Variants in CSMD1 observed in about 807,000 individuals in gnomAD.
The protein encoded by CSMD1 is CUB and sushi domain-containing protein 1.
CSMD1 carries 213 observed loss-of-function variants against 417.5 expected under a neutral mutation model. That is an observed-to-expected ratio of 0.51 (90% CI 0.46 to 0.57). CSMD1 has a LOEUF of 0.57. Among genes scored for constraint, CSMD1 ranks in the 20% least tolerant of loss-of-function variants. The pLI, the probability that CSMD1 is intolerant of heterozygous loss-of-function variation, is 0.00. For missense variants in CSMD1, 6,923 were observed against 4,529.7 expected, an observed-to-expected ratio of 1.53 and a Z score of -15.17; for synonymous variants, 2,862 against 1,736.8, an observed-to-expected ratio of 1.65 and a Z score of -16.11.
Position 3,849,086 on chromosome 8 carries a change from T to C in CSMD1, c.819-95044A>G, listed in dbSNP as rs568690184. ...CAATATACAAGATTCCATTTAACAG[T>C]TGAAGGGATACTTTTGTAACAGAAA... On this transcript the variant is annotated intron_variant, in intron 5 of 69. Coordinates refer to ENST00000635120, the MANE Select transcript of CSMD1 (RefSeq NM_033225.6). Among the ~76,000 whole-genome samples the C allele has an allele frequency of 1.1e-4, 16 of 152,186 alleles. No homozygotes were observed. The East Asian group carries it at 2.3e-3, about 22-fold the overall frequency.
intron 3 of CSMD1, among the ~76,000 whole-genome samples, chr8:4,262,627 C>A (rs1021769431): frequency 6.6e-6 from 1 of 152,106 alleles, no homozygotes; most frequent in African/African-American, 2.4e-5. Context: ...AAACAGCCAT[C>A]GCCACCCAGT....
chr8:3,373,731 G>A (rs1458315349), intron 18 of CSMD1: 1 of 152,136 alleles, frequency 6.6e-6, no homozygotes, highest in Non-Finnish European at 1.5e-5. Flanking sequence ...CTGAGTAGCT[G>A]TAAAAGACAC....
At chr8:2,994,864 TA>T (rs1025989263) in intron 54 of CSMD1, among the ~76,000 whole-genome samples, 1 of 152,114 alleles carries the variant, frequency 6.6e-6, no homozygotes, top group African/African-American at 2.4e-5. Context: ...ATCCATAGGT[TA>T]AAAAAAGAAT....
rs5889027 is a variant in CSMD1, at chr8:4,212,751, C to CTTTTTTTTTTTTTTTTTTT, written c.416-180671_416-180653dup. Among the ~76,000 whole-genome samples the CTTTTTTTTTTTTTTTTTTT allele has an allele frequency of 9.1e-4, 90 of 99,226 alleles. 5 individuals carry two copies. The highest frequency in any genetic ancestry group is 2.9e-3 in the East Asian group (8 of 2,778). The allele number at this position is 99,226 out of a possible 152,430, so 65.1% of individuals were successfully genotyped here. A position where few individuals can be genotyped will look rare whatever the true frequency, so the allele number is the denominator to read the frequency against. On this transcript the variant is annotated intron_variant, in intron 3 of 69. Coordinates refer to ENST00000635120, the MANE Select transcript of CSMD1 (RefSeq NM_033225.6). ...AAAAGTTTACAACAGCGGCCTTATT[C>CTTTTTTTTTTTTTTTTTTT]TTTTTTTTTTTTTTTTTTTTTTTTT...
Position 3,387,739 on chromosome 8 carries a change from T to A in CSMD1, c.2594-57A>T, listed in dbSNP as rs915705585. The A allele has an allele frequency of 1.5e-5, 21 of 1,401,860 alleles. No homozygotes were observed. In the East Asian group the frequency reaches 2.0e-4, roughly 13 times the overall value. 86.8% of individuals were successfully genotyped at this position (1,401,860 alleles called of 1,614,324 possible). On this transcript the variant is annotated intron_variant, in intron 17 of 69. Transcript: ENST00000635120. ...GATCTTTCTGGTTGATTGAAAATAA[T>A]AGAGACCCACGCCATCAACTACGAA...
At position 3,515,521 on chromosome 8, in the gene CSMD1, G is replaced by T. The variant is rs78800575; in HGVS notation, c.1345-21795C>A. On this transcript the variant is annotated intron_variant, in intron 10 of 69. Transcript: ENST00000635120. Reference sequence around the variant, plus strand: ...CACTGGAAAAATAAAAAAATGGTTGGCAACTGTTCAGGAGAATGAGAAAGC... The same window carrying T: ...CACTGGAAAAATAAAAAAATGGTTGTCAACTGTTCAGGAGAATGAGAAAGC... 1.3e-3 allele frequency among the ~76,000 whole-genome samples: 193 copies of T among 152,234 alleles called. 5 individuals are homozygous for T. The East Asian group carries it at 0.029, about 23-fold the overall frequency.
chr8:3,334,865 C>A (rs926389859), intron 23 of CSMD1, among the ~76,000 whole-genome samples: 1 of 152,232 alleles, frequency 6.6e-6, no homozygotes, highest in Non-Finnish European at 1.5e-5. Flanking sequence ...GGCAGCACAG[C>A]CTGCTGGGGA....
chr8:3,357,529 C>T (rs1439161447), intron 21 of CSMD1, among the ~76,000 whole-genome samples: 1 of 152,154 alleles, frequency 6.6e-6, no homozygotes, highest in South Asian at 2.1e-4. Flanking sequence ...TTTTAGACCA[C>T]AGAGTAAAAA....
At chr8:4,472,080 ACAGT>A (rs532308339) in intron 2 of CSMD1, among the ~76,000 whole-genome samples, 7 of 152,220 alleles carry the variant, frequency 4.6e-5, no homozygotes, top group Non-Finnish European at 1.0e-4. Context: ...CTTGTTCGAC[ACAGT>A]CAGCAGAGAT....
intron 3 of CSMD1, among the ~76,000 whole-genome samples, chr8:4,413,102 C>T (rs1016133219): frequency 2.0e-5 from 3 of 152,078 alleles, no homozygotes; most frequent in Non-Finnish European, 4.4e-5. Flanking sequence ...TATTTCATGG[C>T]CCTCAAATTA....
At chr8:4,027,199 C>A (rs940284516) in intron 4 of CSMD1, among the ~76,000 whole-genome samples, 2 of 152,082 alleles carry the variant, frequency 1.3e-5, no homozygotes, top group Admixed American at 1.3e-4. Context: ...ATAGGAAGCC[C>A]TGTTGAAGGT....
intron 4 of CSMD1, among the ~76,000 whole-genome samples, chr8:4,016,159 G>C (rs759946253): frequency 2.0e-5 from 3 of 152,154 alleles, no homozygotes; most frequent in Non-Finnish European, 2.9e-5. Flanking sequence ...TTGCATAAAA[G>C]CATTGAACGT....
intron 5 of CSMD1, among the ~76,000 whole-genome samples, chr8:3,845,333 C>G (rs139755335): frequency 1.3e-5 from 2 of 152,164 alleles, no homozygotes. Context: ...TGAGGCTCTA[C>G]GATACAGCAT....
intron 7 of CSMD1, among the ~76,000 whole-genome samples, chr8:3,639,680 A>C (rs1181165208): frequency 6.6e-6 from 1 of 152,228 alleles, no homozygotes; most frequent in Non-Finnish European, 1.5e-5. Flanking sequence ...GATGTATGTA[A>C]ACCCTAAGGC....
chr8:3,395,091 G>C (rs1195106902), intron 17 of CSMD1, among the ~76,000 whole-genome samples: 2 of 152,078 alleles, frequency 1.3e-5, no homozygotes, highest in Middle Eastern at 3.2e-3. Context: ...AGGTGATGTG[G>C]GGAATGGAAG....
At chr8:3,339,864 C>A (rs1807527365) in intron 23 of CSMD1, among the ~76,000 whole-genome samples, 1 of 152,156 alleles carries the variant, frequency 6.6e-6, no homozygotes, top group Admixed American at 6.6e-5. Flanking sequence ...CATTATACAC[C>A]AGAAGCATAT....
intron 5 of CSMD1, among the ~76,000 whole-genome samples, chr8:3,901,085 C>T (rs1807718574): frequency 6.6e-6 from 1 of 152,048 alleles, no homozygotes; most frequent in Non-Finnish European, 1.5e-5. Context: ...AATTTATAAC[C>T]TGGAGTCCAA....
chr8:3,206,398 TGGGGGG>T (rs1797265935), intron 30 of CSMD1, among the ~76,000 whole-genome samples: 5 of 107,550 alleles, frequency 4.6e-5, no homozygotes, highest in Non-Finnish European at 5.6e-5. Context: ...TATGTGTGTG[TGGGGGG>T]TTATGTCTGT....
At chr8:3,982,608 G>A (rs1289216098) in intron 5 of CSMD1, among the ~76,000 whole-genome samples, 1 of 131,180 alleles carries the variant, frequency 7.6e-6, no homozygotes, top group Non-Finnish European at 1.7e-5. Context: ...ATGAAGTACT[G>A]CTGAGAGAGA....
Sources: gnomAD v4.1 joint callset for allele counts (sites outside exome capture counted in the v4.1 genomes callset) on GRCh38, gnomAD v4.1.1 for gene constraint, MANE v1.5 for transcripts, NCBI Gene and HGNC (gene_info 2026-07-23, HGNC 2026-07-21) for gene names.